CAB39: variants seen among roughly 807,000 people sequenced by gnomAD.
CAB39 encodes the protein calcium binding protein 39.
In CAB39, 8 loss-of-function variants were observed where a neutral mutation model predicts 40.0. That is an observed-to-expected ratio of 0.20 (90% CI 0.12 to 0.36). CAB39 has a LOEUF of 0.36. Ranked by LOEUF, CAB39 falls within the 10% of genes least tolerant of loss-of-function variation. The pLI is 1.00. For missense variants in CAB39, 270 were observed against 401.1 expected, an observed-to-expected ratio of 0.67 and a Z score of 2.79; for synonymous variants, 156 against 141.6, an observed-to-expected ratio of 1.10 and a Z score of -0.72.
intron 2 of CAB39, chr2:230,779,578 G>C (rs559777262): frequency 1.3e-5 from 2 of 152,282 alleles, no homozygotes; most frequent in African/African-American, 4.8e-5. Flanking sequence ...GAGGCTAACT[G>C]GTACATAGAA....
intron 3 of CAB39, among the ~76,000 whole-genome samples, chr2:230,792,561 C>T (rs114662542): frequency 3.3e-5 from 5 of 152,170 alleles, no homozygotes; most frequent in Admixed American, 6.5e-5. Flanking sequence ...TGCAGCTTTC[C>T]GATTGTAAGA....
chr2:230,798,938 G>C, intron 5 of CAB39, 41 bp downstream of exon 5: 3 of 1,495,844 alleles, frequency 2.0e-6, no homozygotes, highest in Non-Finnish European at 2.7e-6. Flanking sequence ...TTGAAAGTCA[G>C]AGGTGTGCTG....
intron 1 of CAB39, among the ~76,000 whole-genome samples, chr2:230,752,557 G>A (rs1287697916): frequency 6.6e-6 from 1 of 152,162 alleles, no homozygotes; most frequent in Non-Finnish European, 1.5e-5. Flanking sequence ...TATAGTGACA[G>A]GAGGGCAGAG....
chr2:230,802,442 A>C (rs1696107112), intron 5 of CAB39, among the ~76,000 whole-genome samples: 1 of 152,218 alleles, frequency 6.6e-6, no homozygotes, highest in Non-Finnish European at 1.5e-5. Flanking sequence ...AGACACAGAA[A>C]ACTTTTCAAA....
At chr2:230,755,062 TACAC>T (rs572391133) in intron 1 of CAB39, among the ~76,000 whole-genome samples, 2 of 151,486 alleles carry the variant, frequency 1.3e-5, no homozygotes, top group African/African-American at 2.4e-5. Context: ...TATACATACA[TACAC>T]ACACACACAC....
rs1249340100 is a variant in CAB39, at chr2:230,805,412, A to G, written c.568-4851A>G. ...CTTAAAGTATAATTAAAAAAAAAAT[A>G]CAAAAAAAAATGGCTTCTGAGCAGT... On this transcript the variant is annotated intron_variant, in intron 5 of 8. Coordinates refer to ENST00000258418, the MANE Select transcript of CAB39 (RefSeq NM_016289.4). Among the ~76,000 whole-genome samples the G allele has an allele frequency of 1.3e-5, 2 of 151,924 alleles. 1 individual carries two copies. Among genetic ancestry groups the G allele is most frequent in the Admixed American group, 1.3e-4 (2 of 15,240 alleles).
chr2:230,759,579 G>C (rs1351766080), intron 1 of CAB39, among the ~76,000 whole-genome samples: 1 of 152,180 alleles, frequency 6.6e-6, no homozygotes, highest in Non-Finnish European at 1.5e-5. Flanking sequence ...GAGATTGTTA[G>C]AAAGGGTTTC....
chr2:230,718,315 G>A (rs1694388470), intron 1 of CAB39, among the ~76,000 whole-genome samples: 1 of 152,154 alleles, frequency 6.6e-6, no homozygotes, highest in Non-Finnish European at 1.5e-5. Flanking sequence ...TCTTTACAGT[G>A]TACTGACTAT....
chr2:230,717,335 A>G (rs1437806446), intron 1 of CAB39, among the ~76,000 whole-genome samples: 1 of 152,204 alleles, frequency 6.6e-6, no homozygotes, highest in Non-Finnish European at 1.5e-5. Flanking sequence ...TGGCCATTGT[A>G]AGAAGACTTG....
chr2:230,779,955 A>C (rs1164192960), intron 2 of CAB39, among the ~76,000 whole-genome samples: 1 of 152,190 alleles, frequency 6.6e-6, no homozygotes, highest in Non-Finnish European at 1.5e-5. Flanking sequence ...TGTAGATGAC[A>C]GGGCAAAAGA....
intron 1 of CAB39, among the ~76,000 whole-genome samples, chr2:230,757,820 C>G (rs752239330): frequency 2.6e-4 from 40 of 152,034 alleles, no homozygotes; most frequent in Admixed American, 2.6e-4. Flanking sequence ...CCCCCCACCC[C>G]CTGCCGCCCA....
At chr2:230,815,791 T>C (rs1358516291) in intron 7 of CAB39, among the ~76,000 whole-genome samples, 2 of 152,206 alleles carry the variant, frequency 1.3e-5, no homozygotes, top group Non-Finnish European at 1.5e-5. Context: ...TCCTGCAGTT[T>C]ATGTTAGCGG....
chr2:230,741,998 A>C (rs964851318), intron 1 of CAB39, among the ~76,000 whole-genome samples: 1 of 152,198 alleles, frequency 6.6e-6, no homozygotes, highest in Non-Finnish European at 1.5e-5. Flanking sequence ...ATGCTACTAG[A>C]ATGGCTTATT....
At chr2:230,762,877 T>A (rs1695319466) in intron 2 of CAB39, among the ~76,000 whole-genome samples, 1 of 152,194 alleles carries the variant, frequency 6.6e-6, no homozygotes, top group Non-Finnish European at 1.5e-5. Flanking sequence ...AAAAAGAATT[T>A]CAGTTGGCAG....
At chr2:230,720,481 G>A (rs374164067) in intron 1 of CAB39, among the ~76,000 whole-genome samples, 1 of 152,186 alleles carries the variant, frequency 6.6e-6, no homozygotes, top group African/African-American at 2.4e-5. Context: ...TGTCGCCCAG[G>A]CTGGAGTGCA....
At chr2:230,738,179 C>T (rs1694819148) in intron 1 of CAB39, among the ~76,000 whole-genome samples, 1 of 152,220 alleles carries the variant, frequency 6.6e-6, no homozygotes, top group Non-Finnish European at 1.5e-5. Flanking sequence ...CCTGTCTGTA[C>T]CTATTAGTCT....
At chr2:230,720,351 A>C (rs544718619) in intron 1 of CAB39, among the ~76,000 whole-genome samples, 9 of 152,326 alleles carry the variant, frequency 5.9e-5, no homozygotes, top group African/African-American at 2.2e-4. Flanking sequence ...GGATTCTATC[A>C]CTGGTAAGAG....
At chr2:230,795,015 G>A (rs1406320255) in intron 4 of CAB39, among the ~76,000 whole-genome samples, 1 of 152,104 alleles carries the variant, frequency 6.6e-6, no homozygotes. Flanking sequence ...GGTGGCTCAC[G>A]CCTGTAATAC....
intron 2 of CAB39, among the ~76,000 whole-genome samples, chr2:230,765,921 AC>A (rs1695377680): frequency 6.6e-6 from 1 of 152,192 alleles, no homozygotes; most frequent in African/African-American, 2.4e-5. Flanking sequence ...ACAAAGAAAA[AC>A]ATTTGAATTT....
Sources: gnomAD v4.1 joint callset for allele counts (sites outside exome capture counted in the v4.1 genomes callset) on GRCh38, gnomAD v4.1.1 for gene constraint, MANE v1.5 for transcripts, NCBI Gene and HGNC (gene_info 2026-07-23, HGNC 2026-07-21) for gene names.